Variants in PTPRT observed in about 807,000 individuals in gnomAD.
PTPRT encodes the protein protein tyrosine phosphatase receptor type T.
A neutral mutation model predicts 176.8 loss-of-function variants in PTPRT; 56 were observed. The ratio of observed to expected loss-of-function variants is 0.32; its 90% CI spans 0.26 to 0.40. The LOEUF (loss-of-function observed/expected upper bound fraction) is 0.40, where lower values mean the gene tolerates loss of function less well. Ranked by LOEUF, PTPRT falls within the 10% of genes least tolerant of loss-of-function variation. The probability of loss-of-function intolerance (pLI) is 1.00; values close to 1 mark genes in which losing one functional copy is unlikely to be tolerated. For missense variants in PTPRT, 1,540 were observed against 1,908.2 expected (o/e 0.81, Z 3.60); for synonymous variants, 783 against 739.0 (o/e 1.06, Z -0.96).
intron 13 of PTPRT, among the ~76,000 whole-genome samples, chr20:42,260,208 ACACATCAGGG>A (rs1228087444): frequency 1.3e-5 from 2 of 152,192 alleles, no homozygotes; most frequent in African/African-American, 4.8e-5. Context: ...ATGGTGTGGG[ACACATCAGGG>A]CATTCCTGTG....
At chr20:43,148,280 G>T (rs549509665) in intron 1 of PTPRT, among the ~76,000 whole-genome samples, 2 of 152,068 alleles carry the variant, frequency 1.3e-5, no homozygotes, top group African/African-American at 4.8e-5. Flanking sequence ...TGCCTGGAAC[G>T]GTTCTCACCA....
chr20:42,782,480 G>A (rs2077229238), intron 3 of PTPRT, among the ~76,000 whole-genome samples: 1 of 152,176 alleles, frequency 6.6e-6, no homozygotes, highest in Non-Finnish European at 1.5e-5. Context: ...TTGACCAATA[G>A]TCTATTCTTT....
chr20:42,563,215 A>T (rs1024963305), intron 7 of PTPRT, among the ~76,000 whole-genome samples: 10 of 152,182 alleles, frequency 6.6e-5, no homozygotes, highest in Non-Finnish European at 1.3e-4. Context: ...GAGATGTGTA[A>T]AGCTCCCCAA....
intron 5 of PTPRT, among the ~76,000 whole-genome samples, chr20:42,758,481 A>G (rs1459308403): frequency 1.3e-5 from 2 of 152,162 alleles, no homozygotes; most frequent in East Asian, 3.9e-4. Context: ...GCTAAGAGAG[A>G]CTTGCTCCAG....
chr20:42,567,069 C>T (rs912134770), intron 7 of PTPRT, among the ~76,000 whole-genome samples: 3 of 151,978 alleles, frequency 2.0e-5, no homozygotes, highest in African/African-American at 2.4e-5. Context: ...GTCAGGAGTT[C>T]GAGACCAGCC....
At chr20:43,142,814 G>T (rs2014057677) in intron 1 of PTPRT, among the ~76,000 whole-genome samples, 1 of 152,200 alleles carries the variant, frequency 6.6e-6, no homozygotes, top group Non-Finnish European at 1.5e-5. Context: ...CTGCCCAGTG[G>T]AGTCTTACAG....
intron 2 of PTPRT, among the ~76,000 whole-genome samples, chr20:42,812,291 A>G (rs1343952609): frequency 6.6e-6 from 1 of 152,122 alleles, no homozygotes; most frequent in Non-Finnish European, 1.5e-5. Flanking sequence ...GGCAGCATTA[A>G]TTACTCTCAC....
chr20:42,363,074 A>G (rs1405530013), intron 9 of PTPRT, among the ~76,000 whole-genome samples: 2 of 131,320 alleles, frequency 1.5e-5, no homozygotes, highest in Admixed American at 8.4e-5. Flanking sequence ...ACTGCACTCC[A>G]GCCTGGGCGA....
chr20:42,733,019 G>A (rs1294245326), intron 6 of PTPRT, among the ~76,000 whole-genome samples: 1 of 152,120 alleles, frequency 6.6e-6, no homozygotes, highest in Non-Finnish European at 1.5e-5. Flanking sequence ...CTGATATCTC[G>A]AGAGGCCTTC....
intron 17 of PTPRT, among the ~76,000 whole-genome samples, chr20:42,144,129 TC>T (rs1988758005): frequency 6.6e-6 from 1 of 152,094 alleles, no homozygotes; most frequent in Non-Finnish European, 1.5e-5. Flanking sequence ...CAGGGCACCA[TC>T]TGCCATAGAT....
intron 1 of PTPRT, among the ~76,000 whole-genome samples, chr20:42,936,995 G>A (rs1045902904): frequency 5.3e-5 from 8 of 152,134 alleles, no homozygotes; most frequent in Admixed American, 2.6e-4. Context: ...CAGCACACTC[G>A]AGCCTCAGTT....
chr20:42,683,089 T>G (rs2075630762), intron 6 of PTPRT, among the ~76,000 whole-genome samples: 1 of 150,186 alleles, frequency 6.7e-6, no homozygotes, highest in African/African-American at 2.5e-5. Flanking sequence ...CTGATCACCC[T>G]TTTAACTGCA....
intron 1 of PTPRT, among the ~76,000 whole-genome samples, chr20:42,936,226 GT>G (rs1251436645): frequency 6.6e-6 from 1 of 152,212 alleles, no homozygotes; most frequent in Non-Finnish European, 1.5e-5. Context: ...GGGGGCACAG[GT>G]TGAAATCAAC....
intron 5 of PTPRT, among the ~76,000 whole-genome samples, chr20:42,768,412 G>A (rs1324252532): frequency 6.6e-6 from 1 of 151,972 alleles, no homozygotes; most frequent in African/African-American, 2.4e-5. Context: ...AGACTGTGGT[G>A]GGGAACATTG....
At chr20:42,188,198 T>C (rs1337653655) in intron 16 of PTPRT, among the ~76,000 whole-genome samples, 1 of 151,628 alleles carries the variant, frequency 6.6e-6, no homozygotes, top group Non-Finnish European at 1.5e-5. Context: ...CTACCTAGAG[T>C]GAGTATGAGC....
At chr20:43,037,954 C>G (rs1986448780) in intron 1 of PTPRT, among the ~76,000 whole-genome samples, 1 of 152,318 alleles carries the variant, frequency 6.6e-6, no homozygotes, top group South Asian at 2.1e-4. Flanking sequence ...ACCATTCTCA[C>G]ATGAACCCTT....
chr20:42,990,234 A>T, intron 1 of PTPRT, among the ~76,000 whole-genome samples: 1 of 152,244 alleles, frequency 6.6e-6, no homozygotes, highest in Admixed American at 6.5e-5. Flanking sequence ...CTTATTCTAA[A>T]TAAAGTTTTA....
chr20:43,032,473 TAAAA>T (rs375146456), intron 1 of PTPRT, among the ~76,000 whole-genome samples: 5 of 121,652 alleles, frequency 4.1e-5, no homozygotes, highest in African/African-American at 1.5e-4. Flanking sequence ...ATCTTTTCAT[TAAAA>T]AAAAAAAAAA....
At chr20:42,166,246 T>C (rs1989819596) in intron 16 of PTPRT, among the ~76,000 whole-genome samples, 1 of 152,186 alleles carries the variant, frequency 6.6e-6, no homozygotes, top group South Asian at 2.1e-4. Flanking sequence ...ACTGATCCAG[T>C]GTAAAACAGC....
Sources: allele counts gnomAD v4.1 joint callset (sites outside exome capture counted in the v4.1 genomes callset), GRCh38; gene constraint gnomAD v4.1.1; transcripts MANE v1.5; gene names NCBI Gene and HGNC (gene_info 2026-07-23, HGNC 2026-07-21).